Variants in B3GLCT observed in about 807,000 individuals in gnomAD.
B3GLCT encodes the protein beta 3-glucosyltransferase, also known as beta-1,3-glucosyltransferase.
B3GLCT carries 65 observed loss-of-function variants against 63.4 expected under a neutral mutation model. That is an observed-to-expected ratio of 1.03 (90% CI 0.84 to 1.26). B3GLCT has a LOEUF of 1.26. Ranked by LOEUF, B3GLCT falls within the 50% of genes most tolerant of loss-of-function variation. The pLI is 0.00. For missense variants in B3GLCT, 577 were observed against 604.8 expected (o/e 0.95, Z 0.48); for synonymous variants, 233 against 219.2 (o/e 1.06, Z -0.55).
At chr13:31,214,130 A>G (rs1869434283) in intron 1 of B3GLCT, among the ~76,000 whole-genome samples, 1 of 152,110 alleles carries the variant, frequency 6.6e-6, no homozygotes, top group African/African-American at 2.4e-5. Flanking sequence ...CCCTCTGCTG[A>G]CACTCCTTGT....
chr13:31,228,486 G>C (rs574930040), intron 3 of B3GLCT, among the ~76,000 whole-genome samples: 1 of 152,178 alleles, frequency 6.6e-6, no homozygotes, highest in African/African-American at 2.4e-5. Flanking sequence ...TGACATCAAG[G>C]TGTGGGCAGG....
chr13:31,224,770 T>G lies in B3GLCT; in HGVS notation c.160+1779T>G, dbSNP rs115022167. On this transcript the variant is annotated intron_variant, in intron 3 of 14. Transcript: ENST00000343307. ...TATGCATGCATATTTTTTCCTCAAC[T>G]TTAAATCATAAGGCTGCTTGTTACA... is the stretch of plus-strand genomic sequence containing the variant. 2.3e-3 allele frequency among the ~76,000 whole-genome samples: 352 copies of G among 152,274 alleles called. 1 individual carries two copies. The highest frequency in any genetic ancestry group is 8.3e-3 in the African/African-American group (345 of 41,554).
chr13:31,308,362 A>AAAAAAAAAAAAAAAAAAAAAC (rs61561180), intron 12 of B3GLCT, among the ~76,000 whole-genome samples: 1 of 61,878 alleles, frequency 1.6e-5, no homozygotes, highest in Non-Finnish European at 3.6e-5. Context: ...AAAAAAAAAC[A>AAAAAAAAAAAAAAAAAAAAAC]AAAAAAAAAG....
intron 4 of B3GLCT, among the ~76,000 whole-genome samples, chr13:31,235,243 TG>T (rs142659958): frequency 1.1e-3 from 173 of 152,106 alleles, no homozygotes; most frequent in African/African-American, 4.0e-3. Flanking sequence ...ATGATGACTT[TG>T]GGTGTCATAT....
intron 6 of B3GLCT, among the ~76,000 whole-genome samples, chr13:31,253,150 T>C (rs1471439271): frequency 6.6e-6 from 1 of 152,076 alleles, no homozygotes; most frequent in Non-Finnish European, 1.5e-5. Context: ...AATAAAGATG[T>C]CCTTTGAAAC....
intron 9 of B3GLCT, among the ~76,000 whole-genome samples, chr13:31,276,060 G>T (rs1872769425): frequency 6.6e-6 from 1 of 152,190 alleles, no homozygotes; most frequent in African/African-American, 2.4e-5. Flanking sequence ...GGTGTGTCTT[G>T]TTGACAAATC....
At chr13:31,246,994 C>A in intron 4 of B3GLCT, 29 bp from the exon 5 acceptor site, 35 of 1,334,752 alleles carry the variant, frequency 2.6e-5, no homozygotes, top group Non-Finnish European at 3.2e-5. Context: ...TCAATTCATA[C>A]TTATCTTCTT....
At chr13:31,315,689 G>T (rs1203601792) in intron 12 of B3GLCT, among the ~76,000 whole-genome samples, 1 of 152,250 alleles carries the variant, frequency 6.6e-6, no homozygotes, top group Non-Finnish European at 1.5e-5. Context: ...AGAAATTTGT[G>T]TAAGTAACAA....
intron 3 of B3GLCT, among the ~76,000 whole-genome samples, chr13:31,225,571 C>T (rs1185445289): frequency 6.6e-6 from 1 of 152,240 alleles, no homozygotes; most frequent in Non-Finnish European, 1.5e-5. Flanking sequence ...ACTAGCATGT[C>T]AGTGATCTTC....
intron 11 of B3GLCT, among the ~76,000 whole-genome samples, chr13:31,286,282 A>G (rs996991568): frequency 2.0e-5 from 3 of 152,252 alleles, no homozygotes; most frequent in East Asian, 3.8e-4. Flanking sequence ...AAATGAAGGT[A>G]TAAGCTTCCG....
chr13:31,241,716 A>G (rs1168604973), intron 4 of B3GLCT, among the ~76,000 whole-genome samples: 1 of 152,178 alleles, frequency 6.6e-6, no homozygotes, highest in African/African-American at 2.4e-5. Flanking sequence ...GAAGAAATGT[A>G]GTATAAGTTT....
At chr13:31,252,637 G>T (rs1871488641) in intron 6 of B3GLCT, among the ~76,000 whole-genome samples, 1 of 152,138 alleles carries the variant, frequency 6.6e-6, no homozygotes, top group Non-Finnish European at 1.5e-5. Context: ...TTGCATAATG[G>T]TAAAGGGATC....
intron 12 of B3GLCT, among the ~76,000 whole-genome samples, chr13:31,288,154 C>G (rs1873442220): frequency 6.6e-6 from 1 of 152,114 alleles, no homozygotes; most frequent in African/African-American, 2.4e-5. Context: ...ACCATAAGCA[C>G]AAAAGCAGAG....
At chr13:31,260,301 A>G (rs778451348) in intron 6 of B3GLCT, 3 of 152,186 alleles carry the variant, frequency 2.0e-5, no homozygotes, top group Non-Finnish European at 2.9e-5. Context: ...TGACTAACAG[A>G]TTTTTGCATA....
chr13:31,200,065 G>A lies in B3GLCT; in HGVS notation c.-20G>A, dbSNP rs1444688504. On this transcript the variant is annotated 5_prime_UTR_variant, in exon 1 of 15. Transcript: ENST00000343307. ...TCCCTTCCCCGCGCCCAGGTAGGGC[G>A]CTCAGCCTCCGCCGCCAGGATGCGG... The A allele has an allele frequency of 5.9e-6, 8 of 1,349,148 alleles. No individual in the cohort carries two copies. The highest frequency in any genetic ancestry group is 2.8e-4 in the Middle Eastern group (1 of 3,574). The allele number at this position is 1,349,148 out of a possible 1,614,324, so 83.6% of individuals were successfully genotyped here.
At chr13:31,200,946 T>C (rs1024304003) in intron 1 of B3GLCT, among the ~76,000 whole-genome samples, 1 of 152,108 alleles carries the variant, frequency 6.6e-6, no homozygotes, top group African/African-American at 2.4e-5. Flanking sequence ...GCCCATTCTT[T>C]TTTATTTCTT....
chr13:31,222,296 T>A (rs906618167), intron 2 of B3GLCT, among the ~76,000 whole-genome samples: 1 of 152,040 alleles, frequency 6.6e-6, no homozygotes, highest in Non-Finnish European at 1.5e-5. Flanking sequence ...CAGGCTGGTC[T>A]TGAACTCCTG....
intron 1 of B3GLCT, among the ~76,000 whole-genome samples, chr13:31,201,110 A>G (rs1210095737): frequency 2.0e-5 from 3 of 151,596 alleles, no homozygotes; most frequent in Non-Finnish European, 4.4e-5. Context: ...AGACTGCTAC[A>G]GAGTTTTTGT....
chr13:31,312,300 A>G (rs546376198), intron 12 of B3GLCT: 1 of 152,368 alleles, frequency 6.6e-6, no homozygotes, highest in South Asian at 2.1e-4. Flanking sequence ...ATGAAATGTA[A>G]GATGGAGTCT....
Sources: gnomAD v4.1 joint callset for allele counts (sites outside exome capture counted in the v4.1 genomes callset) on GRCh38, gnomAD v4.1.1 for gene constraint, MANE v1.5 for transcripts, NCBI Gene and HGNC (gene_info 2026-07-23, HGNC 2026-07-21) for gene names.